IL1RAPL1: variants seen among roughly 807,000 people sequenced by gnomAD.
IL1RAPL1 encodes interleukin-1 receptor accessory protein-like 1.
In IL1RAPL1, 3 loss-of-function variants were observed where a neutral mutation model predicts 48.4. The ratio of observed to expected loss-of-function variants is 0.06; its 90% confidence interval spans 0.03 to 0.16. The LOEUF (loss-of-function observed/expected upper bound fraction) is 0.16. Among genes scored for constraint, IL1RAPL1 ranks in the 10% least tolerant of loss-of-function variants. The pLI is 1.00. For missense variants in IL1RAPL1, 349 were observed against 530.6 expected (o/e 0.66, Z 3.36); for synonymous variants, 185 against 187.7 (o/e 0.99, Z 0.12).
chrX:29,318,754 A>T (rs1177478470), intron 3 of IL1RAPL1, among the ~76,000 whole-genome samples: 1 of 112,473 alleles, frequency 8.9e-6, no homozygotes, highest in East Asian at 2.8e-4. Flanking sequence ...AATAACTGTG[A>T]TACCATAAGT....
At chrX:28,981,033 G>A (rs1184228782) in intron 2 of IL1RAPL1, among the ~76,000 whole-genome samples, 14 of 91,118 alleles carry the variant, frequency 1.5e-4, no homozygotes, top group Admixed American at 1.1e-3. Context: ...TGAGAGTGCC[G>A]TGAACTATGG....
chrX:29,415,442 CAG>C (rs777911936), intron 5 of IL1RAPL1, among the ~76,000 whole-genome samples: 144 of 108,592 alleles, frequency 1.3e-3, no homozygotes, highest in Non-Finnish European at 2.2e-3. Context: ...TTTTTTGAGA[CAG>C]AGTCTCGCTC....
chrX:29,084,889 C>A (rs1416182399), intron 2 of IL1RAPL1, among the ~76,000 whole-genome samples: 1 of 111,849 alleles, frequency 8.9e-6, no homozygotes, highest in South Asian at 3.7e-4. Flanking sequence ...GACGGGGTTT[C>A]GCCATGTTGG....
chrX:28,704,839 A>C lies in IL1RAPL1; in HGVS notation c.-24-84481A>C, dbSNP rs1180145010. 3.7e-3 allele frequency among the ~76,000 whole-genome samples: 385 copies of C among 105,043 alleles called. 6 individuals carry two copies. The highest frequency in any genetic ancestry group is 0.013 in the African/African-American group (363 of 28,067). 91.2% of individuals were successfully genotyped at this position (105,043 alleles called of 115,157 possible). ...ACACACACACACACACACAAAAAAA[A>C]AAAAAAAAAACTGTGACTGGAGCAT... On this transcript the variant is annotated intron_variant, in intron 1 of 10. Transcript: ENST00000378993.
chrX:29,596,929 T>C (rs1923567854), intron 5 of IL1RAPL1, among the ~76,000 whole-genome samples: 1 of 111,572 alleles, frequency 9.0e-6, no homozygotes, highest in East Asian at 2.8e-4. Context: ...TGCTGAGAGT[T>C]TTAATAATAA....
intron 2 of IL1RAPL1, among the ~76,000 whole-genome samples, chrX:29,005,207 C>G (rs1925947759): frequency 8.9e-6 from 1 of 111,871 alleles, no homozygotes; most frequent in African/African-American, 3.2e-5. Flanking sequence ...CTCACATGAT[C>G]TACTAATTCA....
At chrX:29,008,619 T>C (rs1926047911) in intron 2 of IL1RAPL1, among the ~76,000 whole-genome samples, 1 of 112,640 alleles carries the variant, frequency 8.9e-6, no homozygotes, top group Non-Finnish European at 1.9e-5. Flanking sequence ...GTACAGTTTT[T>C]TAAAATGTCA....
At position 28,781,448 on chromosome X, in the gene IL1RAPL1, C is replaced by T. The variant is rs375164631; in HGVS notation, c.-24-7872C>T. 1.5e-4 allele frequency among the ~76,000 whole-genome samples: 16 copies of T among 109,985 alleles called. No individual in the cohort carries two copies. The South Asian group carries it at 6.2e-3, about 43-fold the overall frequency. ...CAAAAGGAAATAATCTCTGCTACTTCTTTCCTCTAACCTTTTCTATCTCTA... is the reference window on the plus strand; with the variant it reads ...CAAAAGGAAATAATCTCTGCTACTTTTTTCCTCTAACCTTTTCTATCTCTA... On this transcript the variant is annotated intron_variant, in intron 1 of 10. Transcript: ENST00000378993.
intron 6 of IL1RAPL1, among the ~76,000 whole-genome samples, chrX:29,906,467 A>G (rs1396301577): frequency 2.7e-3 from 2 of 738 alleles, no homozygotes; most frequent in Non-Finnish European, 5.1e-3. Flanking sequence ...GTAAATATAT[A>G]TATATATATA....
chrX:29,629,133 A>G (rs1190788353), intron 5 of IL1RAPL1, among the ~76,000 whole-genome samples: 1 of 112,099 alleles, frequency 8.9e-6, no homozygotes, highest in Non-Finnish European at 1.9e-5. Flanking sequence ...TAGTTTTAGT[A>G]AAGGAAATGA....
intron 2 of IL1RAPL1, among the ~76,000 whole-genome samples, chrX:28,987,632 T>A (rs768105949): frequency 7.1e-5 from 8 of 111,999 alleles, no homozygotes; most frequent in Non-Finnish European, 1.3e-4. Flanking sequence ...GTTATCAAGA[T>A]ACGCCACACC....
intron 5 of IL1RAPL1, among the ~76,000 whole-genome samples, chrX:29,501,260 T>C (rs1430394636): frequency 9.0e-6 from 1 of 111,636 alleles, no homozygotes; most frequent in Non-Finnish European, 1.9e-5. Context: ...CTCTTTACTT[T>C]GTTGATTGTT....
At chrX:29,007,243 G>T (rs753113209) in intron 2 of IL1RAPL1, among the ~76,000 whole-genome samples, 1 of 111,649 alleles carries the variant, frequency 9.0e-6, no homozygotes, top group Non-Finnish European at 1.9e-5. Flanking sequence ...TTTTATTCCT[G>T]TTGCCAGTAA....
chrX:29,141,703 CAT>C (rs1356031695), intron 2 of IL1RAPL1, among the ~76,000 whole-genome samples: 3 of 111,582 alleles, frequency 2.7e-5, no homozygotes, highest in African/African-American at 9.8e-5. Flanking sequence ...TATAATTAAT[CAT>C]AGTTTATGTA....
At chrX:29,184,864 A>G (rs1930220976) in intron 2 of IL1RAPL1, among the ~76,000 whole-genome samples, 1 of 112,304 alleles carries the variant, frequency 8.9e-6, no homozygotes, top group South Asian at 3.7e-4. Flanking sequence ...CTTGATGAGC[A>G]TTTTGTGAAA....
chrX:28,926,877 A>C (rs1482182315), intron 2 of IL1RAPL1, among the ~76,000 whole-genome samples: 1 of 110,975 alleles, frequency 9.0e-6, no homozygotes, highest in African/African-American at 3.3e-5. Context: ...TCTGGATCCA[A>C]ATCTACATTC....
chrX:29,442,929 A>G (rs368060664), intron 5 of IL1RAPL1, among the ~76,000 whole-genome samples: 11 of 84,642 alleles, frequency 1.3e-4, no homozygotes, highest in African/African-American at 4.3e-4. Context: ...TTAGATGGAT[A>G]AGTAAAATAA....
intron 1 of IL1RAPL1, among the ~76,000 whole-genome samples, chrX:28,672,915 A>G (rs1478232021): frequency 1.8e-5 from 2 of 111,130 alleles, no homozygotes; most frequent in Non-Finnish European, 1.9e-5. Flanking sequence ...TTAAGCCTAG[A>G]ACCCAGTAAT....
chrX:29,884,466 C>T lies in IL1RAPL1; in HGVS notation c.779-32998C>T, dbSNP rs972218127. ...CCTCCCACCATTCTGGTCACTCCCT[C>T]TCACTCTTTTTTGCTGGTTAGTCCT... On this transcript the variant is annotated intron_variant, in intron 6 of 10. Coordinates refer to ENST00000378993, the MANE Select transcript of IL1RAPL1 (RefSeq NM_014271.4). Among the ~76,000 whole-genome samples the T allele has an allele frequency of 3.6e-5, 4 of 110,723 alleles. No homozygotes were observed. In the East Asian group the frequency reaches 1.1e-3, roughly 32 times the overall value.
Sources: gnomAD v4.1 joint callset for allele counts (sites outside exome capture counted in the v4.1 genomes callset) on GRCh38, gnomAD v4.1.1 for gene constraint, MANE v1.5 for transcripts, NCBI Gene and HGNC (gene_info 2026-07-23, HGNC 2026-07-21) for gene names.